PDE12: variants seen among roughly 807,000 people sequenced by gnomAD.
The protein encoded by PDE12 is phosphodiesterase 12.
PDE12 carries 26 observed loss-of-function variants against 45.4 expected under a neutral mutation model. That is an observed-to-expected ratio of 0.57 (90% CI 0.42 to 0.79). PDE12 has a LOEUF of 0.79. Ranked by LOEUF, PDE12 falls within the 30% of genes least tolerant of loss-of-function variation. PDE12 has a pLI of 0.00. For synonymous variants in PDE12, 283 were observed against 323.9 expected, an observed-to-expected ratio of 0.87 and a Z score of 1.36; for missense variants, 668 against 790.0, an observed-to-expected ratio of 0.85 and a Z score of 1.85.
the PDE12 span, among the ~76,000 whole-genome samples, chr3:57,579,833 G>A: frequency 2.0e-5 from 3 of 152,028 alleles, no homozygotes; most frequent in Admixed American, 1.3e-4. Context: ...CTTTTGGCTG[G>A]CATGGCACCT....
At chr3:57,616,500 GAGGAAGAGGAAGAGGAGA>G in the PDE12 span, among the ~76,000 whole-genome samples, 1 of 148,904 alleles carries the variant, frequency 6.7e-6, no homozygotes, top group African/African-American at 2.4e-5. Flanking sequence ...GGAAGAGGAG[GAGGAAGAGGAAGAGGAGA>G]AGGAGAAGAA....
At chr3:57,600,351 T>C in the PDE12 span, among the ~76,000 whole-genome samples, 1 of 69,334 alleles carries the variant, frequency 1.4e-5, no homozygotes, top group South Asian at 4.7e-4. Flanking sequence ...TCTTTTCTTT[T>C]TCTTTCTTTC....
chr3:57,609,789 G>A, the PDE12 span, among the ~76,000 whole-genome samples: 11 of 152,020 alleles, frequency 7.2e-5, no homozygotes, highest in African/African-American at 1.7e-4. Flanking sequence ...ATTCACAGCC[G>A]AATTCTACCA....
the PDE12 span, among the ~76,000 whole-genome samples, chr3:57,577,704 A>C: frequency 6.6e-6 from 1 of 152,138 alleles, no homozygotes; most frequent in Non-Finnish European, 1.5e-5. Flanking sequence ...CAAAATAGCC[A>C]CAAAGTAGGA....
the PDE12 span, chr3:57,634,454 A>T: frequency 4.1e-6 from 2 of 488,642 alleles, no homozygotes; most frequent in Admixed American, 4.7e-5. Context: ...AAAAAAAAGG[A>T]GAGATCCTAT....
chr3:57,602,653 C>T, the PDE12 span, among the ~76,000 whole-genome samples: 2 of 152,152 alleles, frequency 1.3e-5, no homozygotes, highest in East Asian at 3.9e-4. Flanking sequence ...TCACTGCACC[C>T]TCCGTCTCCT....
chr3:57,573,327 A>C, the PDE12 span, among the ~76,000 whole-genome samples: 3 of 152,326 alleles, frequency 2.0e-5, no homozygotes, highest in East Asian at 3.8e-4. Context: ...AATGGCAACG[A>C]ATCTTATCTC....
downstream of PDE12, among the ~76,000 whole-genome samples, chr3:57,569,306 G>T (rs1015029894): frequency 6.6e-6 from 1 of 152,140 alleles, no homozygotes; most frequent in East Asian, 1.9e-4. Flanking sequence ...TACAAAGACT[G>T]AAGAAAAAAT....
At chr3:57,630,704 A>G in the PDE12 span, 1 of 1,609,168 alleles carries the variant, frequency 6.2e-7, no homozygotes, top group East Asian at 2.2e-5. Flanking sequence ...AAACAGGGAA[A>G]AAAGACTAAC....
rs1226976585 is a variant in PDE12, at chr3:57,557,469, G to T, written c.1090G>T (p.Ala364Ser). 6.2e-7 allele frequency: 1 copy of T among 1,613,986 alleles called. No individual in the cohort carries two copies. The change falls in exon 1 of 3, where the codon GCC becomes TCC. Residue 364 changes from alanine to serine, a missense_variant. Around this residue, in one of 3 missense-constraint regions of PDE12, gnomAD observed 580 missense variants for 662.9 expected, o/e 0.87. Transcript: ENST00000311180. Reference sequence around the variant, plus strand: ...AGTGTTTTCTGACAGCTTGGTACCCGCCCTAGAGGCCTTCGGGCTCGAGGG... The same window carrying T: ...AGTGTTTTCTGACAGCTTGGTACCCTCCCTAGAGGCCTTCGGGCTCGAGGG... ...RAVFSDSLVP[A>S]LEAFGLEGVF... is the part of the protein sequence containing the mutation.
chr3:57,595,021 A>T, the PDE12 span, among the ~76,000 whole-genome samples: 1 of 152,236 alleles, frequency 6.6e-6, no homozygotes, highest in African/African-American at 2.4e-5. Flanking sequence ...GCAAAACGAT[A>T]GCATGCCTGA....
At chr3:57,644,477 TG>T in the PDE12 span, among the ~76,000 whole-genome samples, 1 of 151,218 alleles carries the variant, frequency 6.6e-6, no homozygotes, top group Admixed American at 6.6e-5. Flanking sequence ...AGCTAATTTT[TG>T]TATTTTTTTT....
the PDE12 span, chr3:57,630,452 T>C: frequency 6.3e-7 from 1 of 1,595,448 alleles, no homozygotes; most frequent in Non-Finnish European, 8.5e-7. Context: ...ATGGAGTGCC[T>C]CCAATTTTTG....
downstream of PDE12, among the ~76,000 whole-genome samples, chr3:57,571,017 A>C (rs572572395): frequency 2.7e-5 from 4 of 148,488 alleles, no homozygotes; most frequent in South Asian, 4.2e-4. Context: ...TTTTTTAAGT[A>C]GAGACAGGGG....
the PDE12 span, among the ~76,000 whole-genome samples, chr3:57,619,102 C>G: frequency 7.0e-3 from 1,067 of 152,214 alleles, 5 homozygotes; most frequent in Non-Finnish European, 0.01. Context: ...GTAATCCCAG[C>G]ACTTTGAGAG....
At chr3:57,603,192 A>T in the PDE12 span, among the ~76,000 whole-genome samples, 2 of 152,144 alleles carry the variant, frequency 1.3e-5, no homozygotes, top group Non-Finnish European at 1.5e-5. Flanking sequence ...TTTCAAAGTT[A>T]AAGAAATTAG....
chr3:57,613,073 C>T, the PDE12 span, among the ~76,000 whole-genome samples: 173 of 151,882 alleles, frequency 1.1e-3, 2 homozygotes, highest in African/African-American at 3.9e-3. Context: ...CTCCACCTCC[C>T]GGGTTCAAGC....
the PDE12 span, among the ~76,000 whole-genome samples, chr3:57,591,656 G>A: frequency 1.3e-5 from 2 of 151,954 alleles, no homozygotes; most frequent in Non-Finnish European, 2.9e-5. Flanking sequence ...GAGTATAGAT[G>A]GGGTTTCACT....
the PDE12 span, chr3:57,597,097 T>C: frequency 1.2e-6 from 2 of 1,614,146 alleles, no homozygotes; most frequent in African/African-American, 1.3e-5. Flanking sequence ...CATCTGCTTC[T>C]TGCCAAATAG....
Sources: allele counts gnomAD v4.1 joint callset (sites outside exome capture counted in the v4.1 genomes callset), GRCh38; gene constraint gnomAD v4.1.1; regional missense constraint gnomAD v4.1.1; transcripts MANE v1.5; gene names NCBI Gene and HGNC (gene_info 2026-07-23, HGNC 2026-07-21).